Variants in ZNF507 observed in about 807,000 individuals in gnomAD.
The protein encoded by ZNF507 is zinc finger protein 507.
In ZNF507, 29 loss-of-function variants were observed where a neutral mutation model predicts 80.0. That is an observed-to-expected ratio of 0.36 (90% CI 0.27 to 0.49). ZNF507 has a LOEUF of 0.49. Among genes scored for constraint, ZNF507 ranks in the 20% least tolerant of loss-of-function variants. ZNF507 has a pLI of 0.98. For missense variants in ZNF507, 1,081 were observed against 1,152.2 expected (o/e 0.94, Z 0.90); for synonymous variants, 462 against 422.5 (o/e 1.09, Z -1.15).
At chr19:32,358,345 A>G (rs1480991476) in intron 4 of ZNF507, 1 of 152,252 alleles carries the variant, frequency 6.6e-6, no homozygotes, top group African/African-American at 2.4e-5. Context: ...TAAACTTGTT[A>G]AACAAGAAGA....
Position 32,383,069 on chromosome 19 carries a change from C to T in ZNF507, c.2848C>T (p.Leu950=), listed in dbSNP as rs115091627. Residue 950 remains leucine, a synonymous_variant, in exon 7 of 7, where the codon CTA becomes TTA. Coordinates refer to ENST00000355898, the MANE Select transcript of ZNF507 (RefSeq NM_001136156.2). Reference sequence around the variant, plus strand: ...CCTGAATAAGGACCACAATACAGCTCTAAACACAAATTAGGTGGAATAATG... The same window carrying T: ...CCTGAATAAGGACCACAATACAGCTTTAAACACAAATTAGGTGGAATAATG... ...IILNKDHNTA[L]NTN The T allele has an allele frequency of 6.2e-7, 1 of 1,611,646 alleles. No homozygotes were observed. The highest frequency in any genetic ancestry group is 8.5e-7 in the Non-Finnish European group (1 of 1,178,082).
chr19:32,375,782 T>C (rs1248559520), intron 5 of ZNF507, among the ~76,000 whole-genome samples: 1 of 152,236 alleles, frequency 6.6e-6, no homozygotes, highest in Non-Finnish European at 1.5e-5. Context: ...AAATGAATAT[T>C]GATTTTTTTA....
chr19:32,354,070 T>C lies in ZNF507; in HGVS notation c.1240T>C (p.Phe414Leu). Residue 414 changes from phenylalanine (F) to leucine (L), a missense_variant, in exon 3 of 7, where the codon TTC (phenylalanine) becomes CTC (leucine). Physicochemically the swap from Phe to Leu is conservative, Grantham distance 22 (BLOSUM62 0). This residue lies in a region of ZNF507 where 614 missense variants were observed against 583.9 expected (regional missense o/e 1.05). Transcript: ENST00000355898. ...SAEETLSQKR[F>L]LMNTEMEEGK... ...TGAAGAAACCCTTTCACAGAAGCGC[T>C]TCCTCATGAACACTGAAATGGAAGA... 1 of 1,614,048 alleles carries C rather than the reference T, an allele frequency of 6.2e-7. No homozygotes were observed. Among genetic ancestry groups the C allele is most frequent in the East Asian group, 2.2e-5 (1 of 44,866 alleles).
At chr19:32,376,720 G>A (rs1006156688) in intron 5 of ZNF507, among the ~76,000 whole-genome samples, 4 of 152,206 alleles carry the variant, frequency 2.6e-5, no homozygotes, top group Admixed American at 6.5e-5. Context: ...CTGGGCCTGC[G>A]GGACCACTAC....
intron 5 of ZNF507, among the ~76,000 whole-genome samples, chr19:32,365,536 T>C (rs960694933): frequency 6.6e-6 from 1 of 152,176 alleles, no homozygotes; most frequent in African/African-American, 2.4e-5. Flanking sequence ...ATACCTGACA[T>C]TTATAACATT....
At chr19:32,372,658 T>C (rs1464071737) in intron 5 of ZNF507, among the ~76,000 whole-genome samples, 1 of 151,090 alleles carries the variant, frequency 6.6e-6, no homozygotes, top group Non-Finnish European at 1.5e-5. Context: ...CACCCCACTC[T>C]CAAGAGAACT....
At chr19:32,379,173 G>A (rs1967592337) in intron 5 of ZNF507, among the ~76,000 whole-genome samples, 1 of 152,190 alleles carries the variant, frequency 6.6e-6, no homozygotes, top group Non-Finnish European at 1.5e-5. Context: ...TGAGTTTAAT[G>A]GCTTGGGGGT....
At chr19:32,380,035 A>T (rs764415727) in intron 5 of ZNF507, among the ~76,000 whole-genome samples, 1 of 151,910 alleles carries the variant, frequency 6.6e-6, no homozygotes, top group Non-Finnish European at 1.5e-5. Context: ...GTACATTTCC[A>T]TTTTTCCACA....
chr19:32,363,080 A>G (rs1456024875), intron 5 of ZNF507, among the ~76,000 whole-genome samples: 4 of 152,202 alleles, frequency 2.6e-5, no homozygotes, highest in Non-Finnish European at 5.9e-5. Context: ...CGGAGCTGGT[A>G]GCGTAGCCTT....
At chr19:32,348,761 C>A (rs1234291625) in intron 2 of ZNF507, among the ~76,000 whole-genome samples, 1 of 152,152 alleles carries the variant, frequency 6.6e-6, no homozygotes, top group African/African-American at 2.4e-5. Flanking sequence ...TCCTGTTTTG[C>A]TAATGCCTGT....
rs560722934 is a variant in ZNF507, at chr19:32,372,366, G to A, written c.2361-10101G>A. Reference sequence around the variant, plus strand: ...AAAAGGGTTTAAATAAAGAGAGAGCGTTTGCTGACCAGTTGAGTGGACAGG... The same window carrying A: ...AAAAGGGTTTAAATAAAGAGAGAGCATTTGCTGACCAGTTGAGTGGACAGG... On this transcript the variant is annotated intron_variant, in intron 5 of 6. Transcript: ENST00000355898. 7.2e-5 allele frequency among the ~76,000 whole-genome samples: 11 copies of A among 152,234 alleles called. 1 individual carries two copies. In the South Asian group the frequency reaches 1.9e-3, roughly 26 times the overall value.
At chr19:32,375,016 T>C (rs1288977815) in intron 5 of ZNF507, among the ~76,000 whole-genome samples, 4 of 152,160 alleles carry the variant, frequency 2.6e-5, no homozygotes, top group African/African-American at 9.7e-5. Context: ...GGAATGTATA[T>C]TGGGTTAGGT....
chr19:32,364,820 A>G (rs1265442481), intron 5 of ZNF507, among the ~76,000 whole-genome samples: 1 of 152,172 alleles, frequency 6.6e-6, no homozygotes, highest in Non-Finnish European at 1.5e-5. Flanking sequence ...TCTTTTTCCA[A>G]TAATGACTTC....
At chr19:32,357,651 A>C (rs1967269815) in intron 4 of ZNF507, 1 of 152,232 alleles carries the variant, frequency 6.6e-6, no homozygotes, top group Admixed American at 6.5e-5. Context: ...AAACTCTCTG[A>C]AACAAAAGGA....
chr19:32,354,302 G>A lies in ZNF507; in HGVS notation c.1472G>A (p.Arg491Gln). 3 of 1,614,102 alleles carry A rather than the reference G, an allele frequency of 1.9e-6. No homozygotes were observed. Among genetic ancestry groups the A allele is most frequent in the Middle Eastern group, 1.6e-4 (1 of 6,062 alleles). The change falls in exon 3 of 7, where the codon CGA (arginine) becomes CAA (glutamine). Residue 491 changes from arginine to glutamine, a missense_variant. Around this residue, in one of 6 missense-constraint regions of ZNF507, gnomAD observed 614 missense variants for 583.9 expected, o/e 1.05. Coordinates refer to ENST00000355898, the MANE Select transcript of ZNF507 (RefSeq NM_001136156.2). ...GRRRTNSESL[R>Q]LHSLAAEALV... is the part of the protein sequence containing the mutation. ...AGAAGGACAAATTCTGAGTCTCTTC[G>A]ATTACACTCATTAGCTGCAGAAGCC...
intron 5 of ZNF507, among the ~76,000 whole-genome samples, chr19:32,371,210 C>A (rs567502497): frequency 2.0e-4 from 30 of 152,222 alleles, no homozygotes; most frequent in African/African-American, 6.5e-4. Flanking sequence ...CGCGGTGGCT[C>A]ACGCTTGTAA....
intron 5 of ZNF507, among the ~76,000 whole-genome samples, chr19:32,361,981 T>C (rs2145326278): frequency 6.9e-6 from 1 of 144,898 alleles, no homozygotes; most frequent in South Asian, 2.2e-4. Context: ...TGCAGTGGAG[T>C]GATCTCACCT....
chr19:32,384,344 T>A lies in ZNF507; in HGVS notation c.*1261T>A, dbSNP rs946422785. On this transcript the variant is annotated 3_prime_UTR_variant, in exon 7 of 7. Transcript: ENST00000355898. ...AGATGTAATCTTATTAATTACACAT[T>A]TTGTATTTTAATTATTTCAAGGAGT... The A allele has an allele frequency of 6.6e-6, 1 of 152,200 alleles. No homozygotes were observed. Among genetic ancestry groups the A allele is most frequent in the Non-Finnish European group, 1.5e-5 (1 of 68,042 alleles). The allele number at this position is 152,200 out of a possible 1,614,324, so 9.4% of individuals were successfully genotyped here.
intron 1 of ZNF507, 132 bp downstream of exon 1, chr19:32,345,915 G>T (rs1002566223): frequency 1.3e-5 from 2 of 152,732 alleles, no homozygotes; most frequent in Non-Finnish European, 2.9e-5. Context: ...CTAGCCACAA[G>T]CCCCAAGTTC....
Sources: gnomAD v4.1 joint callset for allele counts (sites outside exome capture counted in the v4.1 genomes callset) on GRCh38, gnomAD v4.1.1 for gene constraint, gnomAD v4.1.1 regional missense constraint, MANE v1.5 for transcripts, NCBI Gene and HGNC (gene_info 2026-07-23, HGNC 2026-07-21) for gene names.